The following SPATA16 variants were observed in gnomAD, a reference collection of about 807,000 sequenced individuals.
SPATA16 encodes spermatogenesis associated 16.
A neutral mutation model predicts 63.3 loss-of-function variants in SPATA16; 36 were observed. That is an observed-to-expected ratio of 0.57 (90% CI 0.44 to 0.75). The LOEUF (loss-of-function observed/expected upper bound fraction) is 0.75. Among genes scored for constraint, SPATA16 ranks in the 30% least tolerant of loss-of-function variants. The probability of loss-of-function intolerance (pLI) is 0.00; values close to 1 mark genes in which losing one functional copy is unlikely to be tolerated. For missense variants in SPATA16, 646 were observed against 679.3 expected (o/e 0.95, Z 0.54); for synonymous variants, 203 against 216.7 (o/e 0.94, Z 0.56).
At chr3:173,107,184 C>G (rs1457038900) in intron 2 of SPATA16, among the ~76,000 whole-genome samples, 1 of 152,120 alleles carries the variant, frequency 6.6e-6, no homozygotes, top group African/African-American at 2.4e-5. Flanking sequence ...CAATGTCACT[C>G]TTACAGTGAC....
chr3:172,925,484 C>A lies in SPATA16; in HGVS notation c.1090G>T (p.Ala364Ser), dbSNP rs749896332. The change falls in exon 7 of 11, where the codon GCA becomes TCA. Residue 364 changes from alanine to serine, a missense_variant. Ala to Ser is a moderately conservative substitution (Grantham distance 99). Transcript: ENST00000351008. The part of the protein sequence containing the change: ...YAEYMYTDLQ[A>S]LHMLPQTVDW... ...ACTGTCTGAGGCAACATGTGGAGTG[C>A]TTGAAGATCTGAAATATGACAGAAA... 6 of 1,613,872 alleles carry A rather than the reference C, an allele frequency of 3.7e-6. No individual in the cohort carries two copies. The Admixed American group carries it at 1.0e-4, about 27-fold the overall frequency.
intron 3 of SPATA16, among the ~76,000 whole-genome samples, chr3:173,022,148 C>G (rs1196599584): frequency 1.3e-5 from 2 of 151,826 alleles, no homozygotes. Flanking sequence ...TTGACACTAT[C>G]GGAACCATTA....
At chr3:172,986,817 G>A (rs1734469973) in intron 4 of SPATA16, among the ~76,000 whole-genome samples, 1 of 152,188 alleles carries the variant, frequency 6.6e-6, no homozygotes, top group Non-Finnish European at 1.5e-5. Flanking sequence ...TTTAGAGGAT[G>A]TATTTGAGTG....
intron 2 of SPATA16, among the ~76,000 whole-genome samples, chr3:173,051,350 G>C (rs551817346): frequency 6.6e-6 from 1 of 152,120 alleles, no homozygotes. Flanking sequence ...TTACAGGCAA[G>C]TGCCACCACG....
At position 172,982,946 on chromosome 3, in the gene SPATA16, A is replaced by G. The variant is rs186385476; in HGVS notation, c.849-5894T>C. On this transcript the variant is annotated intron_variant, in intron 4 of 10. Transcript: ENST00000351008. ...AGATATGGGTAAACAAAAAAAAATC[A>G]CAGCACACAATCAGCTGTGTGGTCT... 1.2e-3 allele frequency among the ~76,000 whole-genome samples: 183 copies of G among 152,272 alleles called. 2 individuals carry two copies. Among genetic ancestry groups the G allele is most frequent in the Admixed American group, 2.3e-3 (35 of 15,302 alleles).
chr3:173,075,567 T>G (rs1374953908), intron 2 of SPATA16, among the ~76,000 whole-genome samples: 1 of 152,186 alleles, frequency 6.6e-6, no homozygotes, highest in Non-Finnish European at 1.5e-5. Context: ...ATGTGGTACA[T>G]ATACACAATA....
intron 2 of SPATA16, among the ~76,000 whole-genome samples, chr3:173,064,932 A>G (rs1736479864): frequency 6.6e-6 from 1 of 152,186 alleles, no homozygotes; most frequent in Non-Finnish European, 1.5e-5. Flanking sequence ...TCTTTTCTAA[A>G]TTTCTCATCT....
chr3:172,935,107 G>C (rs1732951448), intron 6 of SPATA16, among the ~76,000 whole-genome samples: 1 of 152,102 alleles, frequency 6.6e-6, no homozygotes, highest in Admixed American at 6.6e-5. Context: ...CTGAAAATCA[G>C]TTAGTATAGA....
chr3:173,065,837 G>A (rs1413107102), intron 2 of SPATA16, among the ~76,000 whole-genome samples: 1 of 152,154 alleles, frequency 6.6e-6, no homozygotes, highest in Admixed American at 6.5e-5. Context: ...CCAGTATGAG[G>A]AGCCTGAGTT....
chr3:172,914,992 TGCCG>T (rs1732447513), intron 9 of SPATA16, among the ~76,000 whole-genome samples: 1 of 152,146 alleles, frequency 6.6e-6, no homozygotes, highest in South Asian at 2.1e-4. Context: ...ATCAACATTT[TGCCG>T]GCTTCTTAAA....
intron 4 of SPATA16, among the ~76,000 whole-genome samples, chr3:173,015,892 G>A (rs914677418): frequency 6.9e-6 from 1 of 144,004 alleles, no homozygotes; most frequent in Non-Finnish European, 1.5e-5. Context: ...GTGTGTGTGT[G>A]TAAGTATGAG....
intron 5 of SPATA16, among the ~76,000 whole-genome samples, chr3:172,969,530 C>T (rs1023176777): frequency 6.6e-6 from 1 of 152,142 alleles, no homozygotes; most frequent in Non-Finnish European, 1.5e-5. Flanking sequence ...TAGTATCCCA[C>T]TCAACTCTAG....
Position 173,088,079 on chromosome 3 carries a change from T to C in SPATA16, c.612+29041A>G, listed in dbSNP as rs549512331. Among the ~76,000 whole-genome samples the C allele has an allele frequency of 2.7e-4, 29 of 105,988 alleles. 1 individual carries two copies. In the East Asian group the frequency reaches 5.4e-3, roughly 20 times the overall value. 69.5% of individuals were successfully genotyped at this position (105,988 alleles called of 152,430 possible). On this transcript the variant is annotated intron_variant, in intron 2 of 10. Coordinates refer to ENST00000351008, the MANE Select transcript of SPATA16 (RefSeq NM_031955.6). ...CTTTCTTTCTTTCTTTCTTTCTTTCTGTCTTTTCTTTTTTTTTTTTTTTTG... is the reference window on the plus strand; with the variant it reads ...CTTTCTTTCTTTCTTTCTTTCTTTCCGTCTTTTCTTTTTTTTTTTTTTTTG...
intron 3 of SPATA16, among the ~76,000 whole-genome samples, chr3:173,026,844 C>T (rs1735464148): frequency 6.6e-6 from 1 of 151,938 alleles, no homozygotes; most frequent in Admixed American, 6.6e-5. Context: ...ATCTTTAAAT[C>T]AGGTAGTTTA....
intron 10 of SPATA16, among the ~76,000 whole-genome samples, chr3:172,909,207 G>A (rs1440984889): frequency 2.0e-5 from 3 of 151,990 alleles, no homozygotes; most frequent in African/African-American, 7.3e-5. Context: ...TTCTAGCCTG[G>A]GACACACAAC....
At chr3:173,089,650 C>T (rs897391853) in intron 2 of SPATA16, among the ~76,000 whole-genome samples, 4 of 152,040 alleles carry the variant, frequency 2.6e-5, no homozygotes, top group Non-Finnish European at 4.4e-5. Flanking sequence ...ATGTGAACGA[C>T]GAGGACAAGG....
intron 3 of SPATA16, among the ~76,000 whole-genome samples, chr3:173,041,072 T>A (rs577108396): frequency 2.0e-5 from 3 of 152,142 alleles, no homozygotes; most frequent in Non-Finnish European, 4.4e-5. Context: ...AGGAAGCATA[T>A]TTTTATAGGT....
chr3:172,917,083 C>T (rs567396315), intron 8 of SPATA16, among the ~76,000 whole-genome samples: 106 of 152,292 alleles, frequency 7.0e-4, no homozygotes, highest in Admixed American at 1.2e-3. Context: ...CTAACATGTT[C>T]CATCTGGACA....
chr3:173,087,878 C>T (rs2108317075), intron 2 of SPATA16, among the ~76,000 whole-genome samples: 1 of 152,114 alleles, frequency 6.6e-6, no homozygotes, highest in Non-Finnish European at 1.5e-5. Context: ...TGTAGGGTTT[C>T]CACGGAGAGG....
Sources: allele counts gnomAD v4.1 joint callset (sites outside exome capture counted in the v4.1 genomes callset), GRCh38; gene constraint gnomAD v4.1.1; transcripts MANE v1.5; gene names NCBI Gene and HGNC (gene_info 2026-07-23, HGNC 2026-07-21).